PELI2: variants seen among roughly 807,000 people sequenced by gnomAD.
PELI2 encodes pellino E3 ubiquitin protein ligase family member 2.
Under a neutral mutation model 42.3 loss-of-function variants are expected in PELI2, and 23 were observed. The observed-to-expected ratio is 0.54, with a 90% CI of 0.39 to 0.77. PELI2 has a LOEUF of 0.77. PELI2 is among the 30% of genes least tolerant of loss of function. PELI2 has a pLI of 0.00. For synonymous variants in PELI2, 245 were observed against 212.2 expected, an observed-to-expected ratio of 1.15 and a Z score of -1.34; for missense variants, 463 against 553.2, an observed-to-expected ratio of 0.84 and a Z score of 1.64.
At chr14:56,173,817 C>T (rs1233337595) in intron 1 of PELI2, among the ~76,000 whole-genome samples, 7 of 152,302 alleles carry the variant, frequency 4.6e-5, no homozygotes, top group East Asian at 1.9e-4. Context: ...TAACAGTAAT[C>T]GAGGATGATC....
chr14:56,285,144 C>G (rs1889604248), intron 3 of PELI2, among the ~76,000 whole-genome samples: 1 of 152,148 alleles, frequency 6.6e-6, no homozygotes, highest in Non-Finnish European at 1.5e-5. Context: ...AGTATGAAAA[C>G]AGGGAGACCA....
At chr14:56,228,314 C>T (rs945134277) in intron 2 of PELI2, among the ~76,000 whole-genome samples, 2 of 152,186 alleles carry the variant, frequency 1.3e-5, no homozygotes, top group Non-Finnish European at 2.9e-5. Flanking sequence ...TCATCAGTGC[C>T]ACTCTGGGAA....
chr14:56,195,815 C>T (rs956037691), intron 2 of PELI2, among the ~76,000 whole-genome samples: 3 of 152,190 alleles, frequency 2.0e-5, no homozygotes, highest in Admixed American at 2.0e-4. Context: ...CTAATCTGCC[C>T]AGCTGGCAGT....
At chr14:56,223,426 A>T (rs998006920) in intron 2 of PELI2, among the ~76,000 whole-genome samples, 1 of 152,138 alleles carries the variant, frequency 6.6e-6, no homozygotes. Context: ...AGTAGTATTC[A>T]GCCCATAGGT....
At chr14:56,282,519 G>A (rs1312010431) in intron 3 of PELI2, among the ~76,000 whole-genome samples, 10 of 151,992 alleles carry the variant, frequency 6.6e-5, no homozygotes, top group Admixed American at 6.6e-4. Context: ...GACTGAGCAG[G>A]TGGTATACAG....
At chr14:56,181,928 G>A (rs1314235300) in intron 2 of PELI2, among the ~76,000 whole-genome samples, 1 of 151,956 alleles carries the variant, frequency 6.6e-6, no homozygotes, top group Non-Finnish European at 1.5e-5. Flanking sequence ...TAGGCATAGG[G>A]CTTTTAGCAA....
intron 2 of PELI2, among the ~76,000 whole-genome samples, chr14:56,232,388 G>A (rs1887617254): frequency 6.6e-6 from 1 of 152,112 alleles, no homozygotes; most frequent in Non-Finnish European, 1.5e-5. Flanking sequence ...AAATCCAGCA[G>A]CACATCAAAA....
At chr14:56,252,219 A>C (rs1368399342) in intron 2 of PELI2, among the ~76,000 whole-genome samples, 1 of 152,196 alleles carries the variant, frequency 6.6e-6, no homozygotes, top group Non-Finnish European at 1.5e-5. Context: ...GACTTGATAA[A>C]AAGGAGTTTA....
intron 1 of PELI2, among the ~76,000 whole-genome samples, chr14:56,168,702 GT>G (rs1245727948): frequency 6.6e-6 from 1 of 151,990 alleles, no homozygotes; most frequent in East Asian, 1.9e-4. Flanking sequence ...GCAAGACAAA[GT>G]GCCCTTTGCT....
intron 3 of PELI2, 74 bp downstream of exon 3, chr14:56,279,851 T>C: frequency 1.4e-6 from 1 of 718,958 alleles, no homozygotes; most frequent in Non-Finnish European, 2.4e-6. Flanking sequence ...TGTAATCAGA[T>C]CTTCCAGCCC....
At chr14:56,127,287 T>C (rs1464496621) in intron 1 of PELI2, among the ~76,000 whole-genome samples, 1 of 152,118 alleles carries the variant, frequency 6.6e-6, no homozygotes, top group East Asian at 1.9e-4. Flanking sequence ...CTTTTAAAGG[T>C]CACCTGACAT....
In PELI2 at chr14:56,252,132, C is replaced by A. The variant is rs188441372; in HGVS notation, c.208-27544C>A. On this transcript the variant is annotated intron_variant, in intron 2 of 5. Coordinates refer to ENST00000267460, the MANE Select transcript of PELI2 (RefSeq NM_021255.3). The stretch of plus-strand genomic sequence containing the variant: ...AATGCTCTCTGTACCAGAAATTGTG[C>A]AGTAAGGAGGTAACAATTCATAGTC... Among the ~76,000 whole-genome samples the A allele has an allele frequency of 9.2e-5, 14 of 152,228 alleles. No individual in the cohort carries two copies. The East Asian group carries it at 9.7e-4, about 10-fold the overall frequency.
rs1594724431 is a variant in PELI2 at position 56,296,511 on chromosome 14, TA to T, written c.697-88del. The T allele has an allele frequency of 1.5e-5, 13 of 882,964 alleles. No individual in the cohort carries two copies. The East Asian group carries it at 3.2e-4, about 22-fold the overall frequency. The allele number at this position is 882,964 out of a possible 1,614,324, so 54.7% of individuals were successfully genotyped here. On this transcript the variant is annotated intron_variant, in intron 5 of 5. Coordinates refer to ENST00000267460, the MANE Select transcript of PELI2 (RefSeq NM_021255.3). Reference sequence around the variant, plus strand: ...ATTGCTTCCCTGTGTTATCTTCAAATATTTTTTTGCTTGTTCTGAGAGGAAA... The same window carrying T: ...ATTGCTTCCCTGTGTTATCTTCAAATTTTTTTTGCTTGTTCTGAGAGGAAA...
intron 2 of PELI2, among the ~76,000 whole-genome samples, chr14:56,264,347 T>C (rs1888825051): frequency 6.6e-6 from 1 of 152,164 alleles, no homozygotes; most frequent in Non-Finnish European, 1.5e-5. Flanking sequence ...AGAAACTACA[T>C]GTTAGATTAT....
rs759127531 is a variant in PELI2 at position 56,121,294 on chromosome 14, T to C, written c.77+2557T>C. On this transcript the variant is annotated intron_variant, in intron 1 of 5. Transcript: ENST00000267460. ...CCTTTTTGCTCACTTTCGAATGTCA[T>C]AGTGAAACATTACTAGGAAATCCTG... is the stretch of plus-strand genomic sequence containing the variant. Among the ~76,000 whole-genome samples the C allele has an allele frequency of 2.6e-5, 4 of 152,170 alleles. 1 individual carries two copies. The highest frequency in any genetic ancestry group is 6.8e-3 in the Middle Eastern group (2 of 294).
Position 56,210,194 on chromosome 14 carries a change from A to T in PELI2, c.207+31730A>T, listed in dbSNP as rs1455318619. ...TTCAAATTGGAAAAATGAAAAAAAA[A>T]ATGTATGTTGATGAGAGGGGTGCGG... On this transcript the variant is annotated intron_variant, in intron 2 of 5. Coordinates refer to ENST00000267460, the MANE Select transcript of PELI2 (RefSeq NM_021255.3). Among the ~76,000 whole-genome samples, 4 of 152,238 alleles carry T rather than the reference A, an allele frequency of 2.6e-5. No homozygotes were observed. In the East Asian group the frequency reaches 5.8e-4, roughly 22 times the overall value.
At chr14:56,127,028 A>C (rs1883295825) in intron 1 of PELI2, among the ~76,000 whole-genome samples, 2 of 152,200 alleles carry the variant, frequency 1.3e-5, no homozygotes, top group African/African-American at 4.8e-5. Context: ...CTTTTTGATG[A>C]GTTATTCCAA....
At chr14:56,122,642 G>A (rs372542876) in intron 1 of PELI2, among the ~76,000 whole-genome samples, 1 of 151,320 alleles carries the variant, frequency 6.6e-6, no homozygotes, top group Admixed American at 6.6e-5. Flanking sequence ...ATTTTTATTG[G>A]CTCTCTCAAC....
At chr14:56,223,643 C>T (rs1887233602) in intron 2 of PELI2, among the ~76,000 whole-genome samples, 2 of 152,150 alleles carry the variant, frequency 1.3e-5, no homozygotes, top group African/African-American at 4.8e-5. Flanking sequence ...GCATACATGT[C>T]TTGATTATTT....
Sources: allele counts gnomAD v4.1 joint callset (sites outside exome capture counted in the v4.1 genomes callset), GRCh38; gene constraint gnomAD v4.1.1; transcripts MANE v1.5; gene names NCBI Gene and HGNC (gene_info 2026-07-23, HGNC 2026-07-21).